PLCB1: variants seen among roughly 807,000 people sequenced by gnomAD.
The protein encoded by PLCB1 is phospholipase C beta 1.
A neutral mutation model predicts 161.8 loss-of-function variants in PLCB1; 46 were observed. The ratio of observed to expected loss-of-function variants is 0.28; its 90% confidence interval spans 0.22 to 0.36. PLCB1 has a LOEUF of 0.36. Ranked by LOEUF, PLCB1 falls within the 10% of genes least tolerant of loss-of-function variation. The probability of loss-of-function intolerance (pLI) is 1.00; values close to 1 mark genes in which losing one functional copy is unlikely to be tolerated. For missense variants in PLCB1, 1,016 were observed against 1,472.5 expected (o/e 0.69, Z 5.07); for synonymous variants, 517 against 503.7 (o/e 1.03, Z -0.35).
In PLCB1 at chr20:8,484,181, A is replaced by C. The variant is rs185496293; in HGVS notation, c.246+112731A>C. On this transcript the variant is annotated intron_variant, in intron 3 of 31. Coordinates refer to ENST00000338037, the MANE Select transcript of PLCB1 (RefSeq NM_015192.4). ...GCTGGGATCATAGGCATGCGCCACC[A>C]TGCCCAGCTAATTTTGTATTTTTAG... Among the ~76,000 whole-genome samples, 9 of 151,540 alleles carry C rather than the reference A, an allele frequency of 5.9e-5. No homozygotes were observed. In the East Asian group the frequency reaches 1.8e-3, roughly 30 times the overall value.
chr20:8,238,248 C>T (rs533503210), intron 2 of PLCB1, among the ~76,000 whole-genome samples: 15 of 152,052 alleles, frequency 9.9e-5, no homozygotes, highest in South Asian at 4.2e-4. Context: ...AATTTACCTG[C>T]GTGGAAGTAT....
intron 31 of PLCB1, among the ~76,000 whole-genome samples, chr20:8,820,002 T>A (rs549055404): frequency 1.0e-3 from 150 of 149,270 alleles, no homozygotes; most frequent in African/African-American, 3.3e-3. Context: ...CTATTCATCC[T>A]CCTATATATA....
chr20:8,372,023 T>G (rs1986919257), intron 3 of PLCB1: 1 of 152,276 alleles, frequency 6.6e-6, no homozygotes, highest in Non-Finnish European at 1.5e-5. Context: ...TTGAAGATAA[T>G]TTTTAAATAT....
At chr20:8,799,461 T>C (rs994567362) in intron 31 of PLCB1, among the ~76,000 whole-genome samples, 2 of 152,238 alleles carry the variant, frequency 1.3e-5, no homozygotes, top group Non-Finnish European at 2.9e-5. Context: ...TTGGGCATGA[T>C]TTCTGTGAAT....
intron 15 of PLCB1, among the ~76,000 whole-genome samples, chr20:8,722,846 A>G (rs1265029223): frequency 6.6e-6 from 1 of 152,138 alleles, no homozygotes; most frequent in Non-Finnish European, 1.5e-5. Context: ...CTTTAAAAAA[A>G]CAAGTTAAAA....
At chr20:8,207,057 A>T (rs1418290423) in intron 2 of PLCB1, among the ~76,000 whole-genome samples, 2 of 98,616 alleles carry the variant, frequency 2.0e-5, no homozygotes, top group Admixed American at 1.7e-4. Context: ...CTGTAAGAGG[A>T]TGTTCAAAAA....
intron 31 of PLCB1, among the ~76,000 whole-genome samples, chr20:8,807,221 A>T (rs2146246692): frequency 6.6e-6 from 1 of 152,294 alleles, no homozygotes; most frequent in Non-Finnish European, 1.5e-5. Flanking sequence ...GTGTTGGAGG[A>T]CTCATTAAGT....
At chr20:8,324,222 G>A (rs1985049746) in intron 2 of PLCB1, among the ~76,000 whole-genome samples, 1 of 151,482 alleles carries the variant, frequency 6.6e-6, no homozygotes, top group African/African-American at 2.4e-5. Context: ...GTGTGTGTGT[G>A]TGTGTGTGTG....
In PLCB1 at chr20:8,494,300, A is replaced by C. The variant is rs1055547643; in HGVS notation, c.246+122850A>C. On this transcript the variant is annotated intron_variant, in intron 3 of 31. Transcript: ENST00000338037. ...TCTTTTTCTCTAGATCTTTTTATAGATGTTCAGAGGCATTTTAGGTTGAAT... is the reference window on the plus strand; with the variant it reads ...TCTTTTTCTCTAGATCTTTTTATAGCTGTTCAGAGGCATTTTAGGTTGAAT... Among the ~76,000 whole-genome samples the C allele has an allele frequency of 4.6e-5, 7 of 152,324 alleles. No homozygotes were observed. In the South Asian group the frequency reaches 1.0e-3, roughly 23 times the overall value.
At chr20:8,720,804 A>G (rs1979583568) in intron 14 of PLCB1, among the ~76,000 whole-genome samples, 1 of 151,914 alleles carries the variant, frequency 6.6e-6, no homozygotes, top group African/African-American at 2.4e-5. Context: ...AAGCTCTGCC[A>G]AACAATTTTT....
intron 2 of PLCB1, among the ~76,000 whole-genome samples, chr20:8,186,811 A>C (rs2051911300): frequency 6.6e-6 from 1 of 152,154 alleles, no homozygotes; most frequent in Non-Finnish European, 1.5e-5. Flanking sequence ...AGAGAGGGAG[A>C]CAAGGTTGGT....
intron 31 of PLCB1, among the ~76,000 whole-genome samples, chr20:8,842,035 GA>G (rs1473616064): frequency 6.6e-6 from 1 of 151,094 alleles, no homozygotes; most frequent in Non-Finnish European, 1.5e-5. Flanking sequence ...TATAGGTTTG[GA>G]AGTACCTTGG....
chr20:8,532,491 C>T (rs934673120), intron 3 of PLCB1, among the ~76,000 whole-genome samples: 2 of 152,182 alleles, frequency 1.3e-5, no homozygotes, highest in Non-Finnish European at 2.9e-5. Context: ...TTCCATTTCC[C>T]TGTCATAAGC....
intron 3 of PLCB1, among the ~76,000 whole-genome samples, chr20:8,518,245 TG>T (rs1984215828): frequency 6.6e-6 from 1 of 152,184 alleles, no homozygotes; most frequent in South Asian, 2.1e-4. Context: ...TCACCCAGGC[TG>T]GAGTGCAGTA....
intron 2 of PLCB1, among the ~76,000 whole-genome samples, chr20:8,243,233 A>T (rs562325550): frequency 6.6e-6 from 1 of 152,138 alleles, no homozygotes; most frequent in African/African-American, 2.4e-5. Flanking sequence ...TTCTGTGGAT[A>T]AGACTGATTC....
At chr20:8,684,838 A>T in intron 9 of PLCB1, 94 bp from the exon 10 acceptor site, 1 of 860,914 alleles carries the variant, frequency 1.2e-6, no homozygotes, top group Admixed American at 2.3e-5. Flanking sequence ...TACCTTGGAC[A>T]CTACAAGATA....
At chr20:8,517,639 C>T (rs1203965310) in intron 3 of PLCB1, among the ~76,000 whole-genome samples, 2 of 152,180 alleles carry the variant, frequency 1.3e-5, no homozygotes, top group Admixed American at 6.5e-5. Context: ...GGCCTCAATC[C>T]CCTGTACGGC....
At chr20:8,368,675 G>T (rs746162173) in intron 2 of PLCB1, among the ~76,000 whole-genome samples, 2 of 151,882 alleles carry the variant, frequency 1.3e-5, no homozygotes, top group Non-Finnish European at 2.9e-5. Flanking sequence ...TACATCAAAT[G>T]TAAATGTTAG....
chr20:8,454,652 C>G (rs77346366), intron 3 of PLCB1, among the ~76,000 whole-genome samples: 3 of 152,140 alleles, frequency 2.0e-5, no homozygotes, highest in African/African-American at 2.4e-5. Flanking sequence ...GCCACTCTTA[C>G]GTCTGTAATG....
Sources: allele counts gnomAD v4.1 joint callset (sites outside exome capture counted in the v4.1 genomes callset), GRCh38; gene constraint gnomAD v4.1.1; transcripts MANE v1.5; gene names NCBI Gene and HGNC (gene_info 2026-07-23, HGNC 2026-07-21).